Variants in SDHA observed in about 807,000 individuals in gnomAD.
SDHA encodes succinate dehydrogenase [ubiquinone] flavoprotein subunit, mitochondrial.
SDHA carries 48 observed loss-of-function variants against 78.4 expected under a neutral mutation model. The observed-to-expected ratio is 0.61, with a 90% CI of 0.49 to 0.78. The LOEUF (loss-of-function observed/expected upper bound fraction) is 0.78. SDHA is among the 30% of genes least tolerant of loss of function. The pLI is 0.00. For missense variants in SDHA, 680 were observed against 892.7 expected (o/e 0.76, Z 3.04); for synonymous variants, 326 against 353.9 (o/e 0.92, Z 0.88).
intron 11 of SDHA, chr5:250,490 G>A (rs1044084823): frequency 4.3e-5 from 10 of 233,814 alleles, no homozygotes; most frequent in African/African-American, 2.3e-4. Flanking sequence ...TGGGCCAAGG[G>A]CCCCAGCCAC....
the SDHA span, among the ~76,000 whole-genome samples, chr5:265,918 G>A: frequency 2.6e-5 from 4 of 151,672 alleles, no homozygotes; most frequent in South Asian, 2.1e-4. Context: ...GAGACCTTCC[G>A]ATTCAGTCCT....
chr5:226,021 T>A lies in SDHA; in HGVS notation c.595T>A (p.Ser199Thr), dbSNP rs770407681. 1.8e-5 allele frequency: 29 copies of A among 1,614,054 alleles called. No homozygotes were observed. Among genetic ancestry groups the A allele is most frequent in the Non-Finnish European group, 2.4e-5 (28 of 1,180,044 alleles). The change falls in exon 5 of 15, where the codon TCG becomes ACG. Residue 199 changes from serine (S) to threonine (T), a missense_variant. Coordinates refer to ENST00000264932, the MANE Select transcript of SDHA (RefSeq NM_004168.4). ...CCCVADRTGH[S>T]LLHTLYGRSL... ...CTGTGTGGCTGATCGGACTGGCCAC[T>A]CGCTATTGCACACCTTATATGGAAG...
intron 8 of SDHA, chr5:234,904 C>A (rs1187638075): frequency 1.4e-5 from 8 of 570,478 alleles, no homozygotes; most frequent in Non-Finnish European, 2.2e-5. Context: ...CTGAGACGAG[C>A]GTGAGTTTAG....
the SDHA span, among the ~76,000 whole-genome samples, chr5:267,084 A>C: frequency 6.6e-6 from 1 of 152,258 alleles, no homozygotes; most frequent in Non-Finnish European, 1.5e-5. Context: ...AATAGCACCT[A>C]GCTGATAGAT....
At chr5:251,510 G>C (rs772639596) in intron 13 of SDHA, 42 bp downstream of exon 13, 11 of 1,613,360 alleles carry the variant, frequency 6.8e-6, no homozygotes, top group Non-Finnish European at 3.4e-6. Context: ...GCCTTTTCCT[G>C]CCACCTGGTG....
intron 7 of SDHA, 67 bp downstream of exon 7, chr5:231,067 C>G (rs1560992693): frequency 6.4e-7 from 1 of 1,554,544 alleles, no homozygotes; most frequent in African/African-American, 1.4e-5. Context: ...GTGATGCCTA[C>G]TCATTGCTCT....
intron 7 of SDHA, among the ~76,000 whole-genome samples, chr5:231,703 C>T (rs1735414887): frequency 6.6e-6 from 1 of 152,114 alleles, no homozygotes; most frequent in Admixed American, 6.5e-5. Context: ...CCGGGGTTTA[C>T]TGAGTGAACA....
Position 230,883 on chromosome 5 carries a change from G to A in SDHA, c.778G>A (p.Gly260Arg), listed in dbSNP as rs940845256. The part of the protein sequence containing the change: ...KNTVVATGGY[G>R]RTYFSCTSAH... ...GCTCTCTATTGTTTCCAGAGGCTAC[G>A]GGCGCACCTACTTCAGCTGCACGTC... The change falls in exon 7 of 15, where the codon GGG (glycine) becomes AGG (arginine). Residue 260 changes from glycine to arginine, a missense_variant. By Grantham distance (125) the Gly-to-Arg change is moderately radical. Coordinates refer to ENST00000264932, the MANE Select transcript of SDHA (RefSeq NM_004168.4). The A allele has an allele frequency of 7.4e-6, 12 of 1,613,972 alleles. No homozygotes were observed. Among genetic ancestry groups the A allele is most frequent in the East Asian group, 4.5e-5 (2 of 44,882 alleles).
intron 5 of SDHA, 72 bp from the exon 6 acceptor site, chr5:228,113 T>A: frequency 1.2e-5 from 18 of 1,474,522 alleles, no homozygotes; most frequent in Non-Finnish European, 1.7e-5. Flanking sequence ...CCTATTCACA[T>A]GAGCAGATAC....
Position 224,473 on chromosome 5 carries a change from A to G in SDHA, c.264A>G (p.Ala88=), listed in dbSNP as rs1421838740. 6.2e-7 allele frequency: 1 copy of G among 1,613,310 alleles called. No individual in the cohort carries two copies. The highest frequency in any genetic ancestry group is 1.7e-5 in the Admixed American group (1 of 60,020). ...TTTCTGAGGCAGGGTTTAATACAGCATGTGTTACCAAGCTGTTTCCTACCA... is the reference window on the plus strand; with the variant it reads ...TTTCTGAGGCAGGGTTTAATACAGCGTGTGTTACCAAGCTGTTTCCTACCA... ...FGLSEAGFNT[A]CVTKLFPTRS... Residue 88 remains alanine (A), a synonymous_variant, in exon 3 of 15, where the codon GCA becomes GCG. Coordinates refer to ENST00000264932, the MANE Select transcript of SDHA (RefSeq NM_004168.4).
At chr5:234,062 A>C in intron 8 of SDHA, 1 of 235,384 alleles carries the variant, frequency 4.2e-6, no homozygotes, top group Non-Finnish European at 8.5e-6. Context: ...TCTTTAATGT[A>C]ATGACATTTG....
chr5:264,137 G>C, the SDHA span, among the ~76,000 whole-genome samples: 7 of 152,206 alleles, frequency 4.6e-5, no homozygotes, highest in East Asian at 1.3e-3. Context: ...AAAAACTAAA[G>C]TGGTTGCTGT....
chr5:239,430 T>C (rs10057501), intron 10 of SDHA, among the ~76,000 whole-genome samples: 38,018 of 151,618 alleles, frequency 0.25, 7,102 homozygotes, highest in African/African-American at 0.53. Flanking sequence ...TGGTGGCATA[T>C]TCCTGTAGTC....
chr5:257,101 T>A (rs1395035959), downstream of SDHA, among the ~76,000 whole-genome samples: 1 of 152,154 alleles, frequency 6.6e-6, no homozygotes, highest in Non-Finnish European at 1.5e-5. Context: ...GGCCTTGTAG[T>A]TTATTTCTAA....
intron 8 of SDHA, 104 bp from the exon 9 acceptor site, chr5:235,040 A>G (rs1735675366): frequency 3.4e-6 from 4 of 1,165,006 alleles, no homozygotes; most frequent in East Asian, 2.3e-5. Flanking sequence ...AATTTTCCTC[A>G]GTATCAAAAC....
chr5:218,871 C>T (rs1240664633), intron 1 of SDHA, among the ~76,000 whole-genome samples: 1 of 152,166 alleles, frequency 6.6e-6, no homozygotes, highest in African/African-American at 2.4e-5. Context: ...TGAGGAGCAG[C>T]CCGCAGCCCG....
At chr5:248,792 C>T (rs568152593) in intron 11 of SDHA, among the ~76,000 whole-genome samples, 75 of 152,280 alleles carry the variant, frequency 4.9e-4, no homozygotes, top group African/African-American at 1.3e-3. Context: ...TCTCTGTCTG[C>T]GTGCCACGGC....
chr5:258,634 C>T (rs1561019294), downstream of SDHA, among the ~76,000 whole-genome samples: 2 of 100,658 alleles, frequency 2.0e-5, 1 homozygote, highest in Non-Finnish European at 4.2e-5. Context: ...GTGTGAGCTC[C>T]GCCTCCCGCC....
rs766339992 is a variant in SDHA, at chr5:226,011, G to C, written c.585G>C (p.Arg195=). The change falls in exon 5 of 15, where the codon CGG becomes CGC. Residue 195 remains arginine, a synonymous_variant. Transcript: ENST00000264932. ...QAHRCCCVAD[R]TGHSLLHTLY... ...ATCGGTGCTGCTGTGTGGCTGATCG[G>C]ACTGGCCACTCGCTATTGCACACCT... is the stretch of plus-strand genomic sequence containing the variant. 4 of 1,614,072 alleles carry C rather than the reference G, an allele frequency of 2.5e-6. No individual in the cohort carries two copies. In the East Asian group the frequency reaches 6.7e-5, roughly 27 times the overall value.
Sources: gnomAD v4.1 joint callset for allele counts (sites outside exome capture counted in the v4.1 genomes callset) on GRCh38, gnomAD v4.1.1 for gene constraint, MANE v1.5 for transcripts, NCBI Gene and HGNC (gene_info 2026-07-23, HGNC 2026-07-21) for gene names.